MRPL4: variants seen among roughly 807,000 people sequenced by gnomAD.
MRPL4 encodes large ribosomal subunit protein uL4m.
In MRPL4, 34 loss-of-function variants were observed where a neutral mutation model predicts 34.1. That is an observed-to-expected ratio of 1.00 (90% CI 0.76 to 1.33). MRPL4 has a LOEUF of 1.33. MRPL4 is among the 40% of genes most tolerant of loss of function. The pLI, the probability that MRPL4 is intolerant of heterozygous loss-of-function variation, is 0.00. For synonymous variants in MRPL4, 196 were observed against 188.3 expected (o/e 1.04, Z -0.33); for missense variants, 402 against 434.6 (o/e 0.92, Z 0.67).
At position 10,259,775 on chromosome 19, in the gene MRPL4, G is replaced by A. The variant is rs752725465; in HGVS notation, c.898G>A (p.Ala300Thr). Residue 300 changes from alanine to threonine, a missense_variant, in exon 9 of 9, where the codon GCT (alanine) becomes ACT (threonine). Transcript: ENST00000253099. ...YSDFPRPLPHATQGPAATPYH... is the reference protein window; with the variant it reads ...YSDFPRPLPHTTQGPAATPYH... The stretch of plus-strand genomic sequence containing the variant: ...CGACTTCCCCCGACCCCTACCCCAC[G>A]CTACCCAGGGCCCAGCGGCCACCCC... The A allele has an allele frequency of 1.2e-5, 19 of 1,612,986 alleles. No individual in the cohort carries two copies. The highest frequency in any genetic ancestry group is 1.4e-5 in the Non-Finnish European group (16 of 1,179,594).
intron 4 of MRPL4, 103 bp from the exon 5 acceptor site, chr19:10,256,605 C>G: frequency 2.2e-6 from 2 of 907,700 alleles, no homozygotes; most frequent in Non-Finnish European, 3.5e-6. Context: ...GAGAGCCCGT[C>G]ATCATGGTGC....
chr19:10,259,484 C>T (rs961766978), intron 8 of MRPL4, 133 bp from the exon 9 acceptor site: 2 of 1,459,758 alleles, frequency 1.4e-6, no homozygotes, highest in Non-Finnish European at 1.8e-6. Flanking sequence ...CCCCGGGCTG[C>T]TGGGCTCACA....
chr19:10,257,545 G>A (rs974824341), intron 5 of MRPL4, among the ~76,000 whole-genome samples: 2 of 152,062 alleles, frequency 1.3e-5, no homozygotes, highest in Non-Finnish European at 2.9e-5. Flanking sequence ...ATGAGGGCAG[G>A]GACCATGTCT....
intron 5 of MRPL4, among the ~76,000 whole-genome samples, chr19:10,257,714 C>G (rs1040091741): frequency 6.6e-6 from 1 of 151,918 alleles, no homozygotes; most frequent in Admixed American, 6.6e-5. Flanking sequence ...CCTGAAAGTT[C>G]GAACCTCCTG....
At chr19:10,258,946 A>G in intron 8 of MRPL4, 1 of 1,423,790 alleles carries the variant, frequency 7.0e-7, no homozygotes. Flanking sequence ...TGTACTAAAA[A>G]TAAAAAAGTT....
At position 10,258,439 on chromosome 19, in the gene MRPL4, A is replaced by G. The variant is rs1455773065; in HGVS notation, c.579A>G (p.Leu193=). 2 of 1,613,738 alleles carry G rather than the reference A, an allele frequency of 1.2e-6. No homozygotes were observed. The highest frequency in any genetic ancestry group is 1.7e-6 in the Non-Finnish European group (2 of 1,179,898). Residue 193 remains leucine (L), a synonymous_variant, in exon 7 of 9, where the codon CTA becomes CTG. Coordinates refer to ENST00000253099, the MANE Select transcript of MRPL4 (RefSeq NM_015956.3). The part of the protein sequence containing the change: ...AQDDLHIMDS[L]ELPTGDPQYL... ...ACGACCTGCACATCATGGACTCCCT[A>G]GAGCTGCCCACCGGAGACCCACAGT... is the stretch of plus-strand genomic sequence containing the variant.
chr19:10,255,495 G>T (rs1026552306), intron 4 of MRPL4: 1 of 152,750 alleles, frequency 6.5e-6, no homozygotes, highest in African/African-American at 2.4e-5. Context: ...CAAGGAGGCA[G>T]TGGGGCTAGT....
intron 5 of MRPL4, 122 bp downstream of exon 5, chr19:10,256,947 T>C: frequency 1.3e-6 from 1 of 767,102 alleles, no homozygotes; most frequent in Non-Finnish European, 1.9e-6. Context: ...TCCCTCCACC[T>C]CATGGAACCA....
At chr19:10,257,697 C>T (rs1222598631) in intron 5 of MRPL4, among the ~76,000 whole-genome samples, 1 of 151,946 alleles carries the variant, frequency 6.6e-6, no homozygotes, top group Non-Finnish European at 1.5e-5. Flanking sequence ...CTTCCTCTCC[C>T]GCTTGACCTG....
chr19:10,255,023 C>G (rs2039836138), intron 4 of MRPL4: 1 of 158,806 alleles, frequency 6.3e-6, no homozygotes, highest in Admixed American at 6.4e-5. Context: ...AGGCTGGTCT[C>G]AAACTCCTGA....
chr19:10,256,745 G>T lies in MRPL4; in HGVS notation c.365G>T (p.Gly122Val), dbSNP rs777610804. 9 of 1,604,416 alleles carry T rather than the reference G, an allele frequency of 5.6e-6. 1 individual carries two copies. The South Asian group carries it at 8.8e-5, about 16-fold the overall frequency. ...ACCAAGACGAGAGCCGAGGTGCGGG[G>T]CGGTGGCCGGAAGCCTTGGCCGCAG... is the stretch of plus-strand genomic sequence containing the variant. ...AKTKTRAEVR[G>V]GGRKPWPQKG... Residue 122 changes from glycine (G) to valine (V), a missense_variant, in exon 5 of 9, where the codon GGC (glycine) becomes GTC (valine). Gly to Val is a moderately radical substitution (Grantham distance 109). Transcript: ENST00000253099.
upstream of MRPL4, chr19:10,252,149 G>A: frequency 3.7e-6 from 5 of 1,365,898 alleles, no homozygotes; most frequent in East Asian, 2.6e-5. Context: ...TTTCCAGCGC[G>A]GAGTCGCGGC....
rs1382314673 is a variant in MRPL4, at chr19:10,259,857, T to C, written c.*44T>C. 1 of 1,545,420 alleles carries C rather than the reference T, an allele frequency of 6.5e-7. No individual in the cohort carries two copies. The highest frequency in any genetic ancestry group is 8.8e-7 in the Non-Finnish European group (1 of 1,132,008). On this transcript the variant is annotated 3_prime_UTR_variant, in exon 9 of 9. Transcript: ENST00000253099. The stretch of plus-strand genomic sequence containing the variant: ...AGCCAGGCCGAGCCCCTGGCCGACT[T>C]GGGAGCCTCAGGCCCACGCCCACCC...
chr19:10,252,560 A>T lies in MRPL4; in HGVS notation c.134A>T (p.Glu45Val). 4 of 1,613,054 alleles carry T rather than the reference A, an allele frequency of 2.5e-6. No homozygotes were observed. The highest frequency in any genetic ancestry group is 3.4e-6 in the Non-Finnish European group (4 of 1,179,552). ...PEQVASEGLP[E>V]PVLRKVELPV... ...CCCGCAATCGCTCCAGGTCTCCCGG[A>T]GCCCGTGCTGCGCAAAGTCGAGCTC... is the stretch of plus-strand genomic sequence containing the variant. Residue 45 changes from glutamate (E) to valine (V), a missense_variant, in exon 3 of 9, where the codon GAG (glutamate) becomes GTG (valine). Physicochemically the swap from Glu to Val is moderately radical, Grantham distance 121 (BLOSUM62 -2). Transcript: ENST00000253099.
rs1259985863 is a variant in MRPL4 at position 10,258,673 on chromosome 19, A to G, written c.727A>G (p.Ile243Val). The part of the protein sequence containing the change: ...ATSRLKTFNL[I>V]PAVGLNVHSM... ...CTCTAGGCTTAAGACCTTCAACTTGATCCCGGCTGTTGGTGAGCAAAGAGC... is the reference window on the plus strand; with the variant it reads ...CTCTAGGCTTAAGACCTTCAACTTGGTCCCGGCTGTTGGTGAGCAAAGAGC... Residue 243 changes from isoleucine (I) to valine (V), a missense_variant, in exon 8 of 9, where the codon ATC (isoleucine) becomes GTC (valine). Coordinates refer to ENST00000253099, the MANE Select transcript of MRPL4 (RefSeq NM_015956.3). 2.5e-6 allele frequency: 4 copies of G among 1,614,074 alleles called. No homozygotes were observed. Among genetic ancestry groups the G allele is most frequent in the Admixed American group, 3.3e-5 (2 of 60,000 alleles).
Position 10,258,630 on chromosome 19 carries a change from G to C in MRPL4, c.684G>C (p.Gln228His). The C allele has an allele frequency of 6.2e-7, 1 of 1,614,202 alleles. No individual in the cohort carries two copies. The highest frequency in any genetic ancestry group is 8.5e-7 in the Non-Finnish European group (1 of 1,180,036). The part of the protein sequence containing the change: ...LVDLTHEEMP[Q>H]SIVEATSRLK... ...ACAGAACACACGAGGAGATGCCACA[G>C]AGCATCGTGGAGGCCACCTCTAGGC... The change falls in exon 8 of 9, where the codon CAG becomes CAC. Residue 228 changes from glutamine to histidine, a missense_variant. By Grantham distance (24) the Gln-to-His change is conservative. Transcript: ENST00000253099.
intron 8 of MRPL4, 186 bp downstream of exon 8, chr19:10,258,871 C>T: frequency 2.0e-6 from 3 of 1,507,616 alleles, no homozygotes; most frequent in South Asian, 1.3e-5. Flanking sequence ...GATGGTGGCT[C>T]ACGCTTGTAA....
Position 10,252,638 on chromosome 19 carries a change from G to A in MRPL4, c.212G>A (p.Gly71Asp), listed in dbSNP as rs1405206509. ...CAGGCCTGGGTCGAGTCCTTGCGGG[G>A]CTTCGAGCAGGAGCGCGTGGGCCTG... ...PVQAWVESLR[G>D]FEQERVGLAD... is the part of the protein sequence containing the mutation. The change falls in exon 3 of 9, where the codon GGC (glycine) becomes GAC (aspartate). Residue 71 changes from glycine (G) to aspartate (D), a missense_variant. Gly to Asp is a moderately conservative substitution (Grantham distance 94). Coordinates refer to ENST00000253099, the MANE Select transcript of MRPL4 (RefSeq NM_015956.3). The A allele has an allele frequency of 6.2e-7, 1 of 1,610,378 alleles. No homozygotes were observed. The highest frequency in any genetic ancestry group is 1.6e-4 in the Middle Eastern group (1 of 6,062).
chr19:10,259,758 C>T lies in MRPL4; in HGVS notation c.881C>T (p.Pro294Leu), dbSNP rs910618926. The change falls in exon 9 of 9, where the codon CCC becomes CTC. Residue 294 changes from proline (P) to leucine (L), a missense_variant. By Grantham distance (98) the Pro-to-Leu change is moderately conservative. Transcript: ENST00000253099. ...TTCAGCCTGCCCTACAGCGACTTCC[C>T]CCGACCCCTACCCCACGCTACCCAG... Reference protein sequence around the residue: ...YPFSLPYSDFPRPLPHATQGP... With the variant: ...YPFSLPYSDFLRPLPHATQGP... The T allele has an allele frequency of 1.8e-5, 29 of 1,613,930 alleles. No individual in the cohort carries two copies. Among genetic ancestry groups the T allele is most frequent in the Non-Finnish European group, 2.4e-5 (28 of 1,179,970 alleles).
Sources: allele counts gnomAD v4.1 joint callset (sites outside exome capture counted in the v4.1 genomes callset), GRCh38; gene constraint gnomAD v4.1.1; transcripts MANE v1.5; gene names NCBI Gene and HGNC (gene_info 2026-07-23, HGNC 2026-07-21).